The following TIAM1 variants were observed in gnomAD, a reference collection of about 807,000 sequenced individuals.
The protein encoded by TIAM1 is TIAM Rac1 associated GEF 1, also known as rho guanine nucleotide exchange factor TIAM1.
In TIAM1, 65 loss-of-function variants were observed where a neutral mutation model predicts 163.5. The ratio of observed to expected loss-of-function variants is 0.40; its 90% CI spans 0.33 to 0.49. The LOEUF is 0.49. TIAM1 is among the 20% of genes least tolerant of loss of function. TIAM1 has a pLI of 0.77. For missense variants in TIAM1, 1,789 were observed against 2,044.7 expected (o/e 0.87, Z 2.41); for synonymous variants, 833 against 810.1 (o/e 1.03, Z -0.48).
chr21:31,445,035 A>AG (rs2044568936), intron 2 of TIAM1, among the ~76,000 whole-genome samples: 3 of 151,638 alleles, frequency 2.0e-5, no homozygotes, highest in East Asian at 1.9e-4. Flanking sequence ...AGAGAAGAGA[A>AG]AAGAAAGAAC....
At chr21:31,421,231 A>G (rs2043558820) in intron 2 of TIAM1, among the ~76,000 whole-genome samples, 1 of 152,154 alleles carries the variant, frequency 6.6e-6, no homozygotes, top group African/African-American at 2.4e-5. Context: ...AAGAGAGGAC[A>G]TACAGAGAAG....
rs536193906 is a variant in TIAM1 at position 31,368,794 on chromosome 21, T to C, written c.-368-29372A>G. On this transcript the variant is annotated intron_variant, in intron 2 of 28. Transcript: ENST00000286827. ...TGGCAAAACTGGTAAAATACAAGCG[T>C]CTAGACTCTCTTTAGTATAAAACTA... Among the ~76,000 whole-genome samples, 9 of 152,204 alleles carry C rather than the reference T, an allele frequency of 5.9e-5. 1 individual carries two copies. The highest frequency in any genetic ancestry group is 2.1e-4 in the South Asian group (1 of 4,816).
chr21:31,556,168 G>T lies in TIAM1; in HGVS notation c.-422+2759C>A, dbSNP rs551691239. 2.9e-4 allele frequency among the ~76,000 whole-genome samples: 44 copies of T among 152,216 alleles called. No homozygotes were observed. The Middle Eastern group carries it at 0.017, about 59-fold the overall frequency. ...AGAGGCCTTCAGCATCCCTAAGGGC[G>T]CGAGAATTCCCAGAACAAGTACAAG... On this transcript the variant is annotated intron_variant, in intron 1 of 28. Transcript: ENST00000286827.
Position 31,118,716 on chromosome 21 carries a change from C to T in TIAM1, c.*1652G>A, listed in dbSNP as rs1176962004. On this transcript the variant is annotated 3_prime_UTR_variant, in exon 28 of 28. Coordinates refer to ENST00000541036, the MANE Select transcript of TIAM1 (RefSeq NM_001353694.2). The stretch of plus-strand genomic sequence containing the variant: ...GATGATATGGAAAAATGCAGTGATA[C>T]AAAGGGTATAGAAACCATTCTAAAG... 2 of 464,786 alleles carry T rather than the reference C, an allele frequency of 4.3e-6. No individual in the cohort carries two copies. Among genetic ancestry groups the T allele is most frequent in the Admixed American group, 2.4e-5 (1 of 40,992 alleles). 28.8% of individuals were successfully genotyped at this position (464,786 alleles called of 1,614,324 possible).
chr21:31,429,995 C>T (rs1168981178), intron 2 of TIAM1, among the ~76,000 whole-genome samples: 2 of 151,930 alleles, frequency 1.3e-5, no homozygotes, highest in Non-Finnish European at 2.9e-5. Flanking sequence ...CACTTGAGGT[C>T]AGGAGTTCAA....
intron 26 of TIAM1, 92 bp downstream of exon 26, chr21:31,126,973 C>A: frequency 3.2e-6 from 4 of 1,260,028 alleles, no homozygotes; most frequent in Non-Finnish European, 4.6e-6. Flanking sequence ...GTACAAACAA[C>A]GTACCAAACA....
In TIAM1 at chr21:31,136,008, G is replaced by A. The variant is rs1445619677; in HGVS notation, c.3808C>T (p.His1270Tyr). ...GGGTTCAGCCAGATCACGGTAGTGTGCAAAAGCAGGTCTCCCATGCTCAGA... is the reference window on the plus strand; with the variant it reads ...GGGTTCAGCCAGATCACGGTAGTGTACAAAAGCAGGTCTCCCATGCTCAGA... Reference protein sequence around the residue: ...ADLSMGDLLLHTTVIWLNPPA... With the variant: ...ADLSMGDLLLYTTVIWLNPPA... The change falls in exon 23 of 28, where the codon CAC becomes TAC. Residue 1270 changes from histidine to tyrosine, a missense_variant. By Grantham distance (83) the His-to-Tyr change is moderately conservative. Coordinates refer to ENST00000541036, the MANE Select transcript of TIAM1 (RefSeq NM_001353694.2). 6.2e-7 allele frequency: 1 copy of A among 1,614,140 alleles called. No homozygotes were observed. Among genetic ancestry groups the A allele is most frequent in the Admixed American group, 1.7e-5 (1 of 60,020 alleles).
intron 15 of TIAM1, among the ~76,000 whole-genome samples, chr21:31,182,220 C>T (rs4817384): frequency 1 from 152,338 of 152,338 alleles, 76,169 homozygotes; most frequent in Non-Finnish European, 1. Context: ...AGCAAAACAG[C>T]TCTATGAGAA....
chr21:31,127,632 GGT>G (rs1409025895), intron 25 of TIAM1, among the ~76,000 whole-genome samples: 1 of 151,982 alleles, frequency 6.6e-6, no homozygotes, highest in Non-Finnish European at 1.5e-5. Context: ...TGGTTAGGCT[GGT>G]CTCGAACTCC....
intron 4 of TIAM1, among the ~76,000 whole-genome samples, chr21:31,262,993 C>T (rs1250815109): frequency 6.6e-6 from 1 of 152,082 alleles, no homozygotes; most frequent in Admixed American, 6.5e-5. Context: ...AGCTTCCACA[C>T]CCACTGCCTC....
chr21:31,342,188 T>C (rs1328410682), intron 1 of TIAM1, among the ~76,000 whole-genome samples: 2 of 152,136 alleles, frequency 1.3e-5, no homozygotes, highest in Non-Finnish European at 2.9e-5. Flanking sequence ...CACATGCCTA[T>C]AGTCCTAGCT....
intron 1 of TIAM1, among the ~76,000 whole-genome samples, chr21:31,551,817 CATT>C (rs2048697858): frequency 6.6e-6 from 1 of 152,060 alleles, no homozygotes; most frequent in Non-Finnish European, 1.5e-5. Context: ...AATTGCCACT[CATT>C]ATAACAGGAA....
intron 6 of TIAM1, among the ~76,000 whole-genome samples, chr21:31,232,996 C>T (rs2088525338): frequency 6.6e-6 from 1 of 152,138 alleles, no homozygotes; most frequent in Non-Finnish European, 1.5e-5. Context: ...TGCATAACAG[C>T]CCCTTTGAGT....
At chr21:31,256,476 TG>T (rs2072103961) in intron 4 of TIAM1, among the ~76,000 whole-genome samples, 1 of 152,090 alleles carries the variant, frequency 6.6e-6, no homozygotes, top group Admixed American at 6.6e-5. Context: ...TAAAGAAATG[TG>T]GACCTACAGA....
chr21:31,306,697 C>CGTGG (rs2146972926), intron 2 of TIAM1, among the ~76,000 whole-genome samples: 1 of 152,332 alleles, frequency 6.6e-6, no homozygotes, highest in African/African-American at 2.4e-5. Context: ...GGGCATTCTA[C>CGTGG]ACAACAACTT....
At chr21:31,417,091 C>T (rs1381038409) in intron 2 of TIAM1, among the ~76,000 whole-genome samples, 2 of 152,172 alleles carry the variant, frequency 1.3e-5, no homozygotes, top group African/African-American at 2.4e-5. Context: ...GGCACAATCT[C>T]GGCTCACTGC....
intron 2 of TIAM1, among the ~76,000 whole-genome samples, chr21:31,353,621 C>G (rs1417969486): frequency 6.6e-6 from 1 of 151,944 alleles, no homozygotes; most frequent in Non-Finnish European, 1.5e-5. Context: ...ACCCATTTAA[C>G]AGATAAAGAA....
chr21:31,450,572 C>G (rs542195709), intron 2 of TIAM1, among the ~76,000 whole-genome samples: 1 of 152,268 alleles, frequency 6.6e-6, no homozygotes, highest in African/African-American at 2.4e-5. Context: ...ACCAGGGGGA[C>G]AGGGGGACTC....
At chr21:31,541,910 C>T (rs1010576616) in intron 1 of TIAM1, among the ~76,000 whole-genome samples, 1 of 152,172 alleles carries the variant, frequency 6.6e-6, no homozygotes, top group Non-Finnish European at 1.5e-5. Context: ...TAAGTGCTTG[C>T]CCAACTGCCT....
Sources: allele counts gnomAD v4.1 joint callset (sites outside exome capture counted in the v4.1 genomes callset), GRCh38; gene constraint gnomAD v4.1.1; transcripts MANE v1.5; gene names NCBI Gene and HGNC (gene_info 2026-07-23, HGNC 2026-07-21).